SPRR4: variants seen among roughly 807,000 people sequenced by gnomAD.
The protein encoded by SPRR4 is small proline-rich protein 4.
For missense variants in SPRR4, 106 were observed against 91.6 expected (o/e 1.16, Z -0.64); for synonymous variants, 30 against 34.3 (o/e 0.87, Z 0.44).
chr1:152,969,431 G>A (rs979122520), upstream of SPRR4, among the ~76,000 whole-genome samples: 1 of 152,180 alleles, frequency 6.6e-6, no homozygotes, highest in African/African-American at 2.4e-5. Context: ...AGTACATTAA[G>A]GTATTCCTAT....
chr1:152,971,743 T>C, intron 1 of SPRR4, 128 bp from the exon 2 acceptor site: 1 of 1,251,612 alleles, frequency 8.0e-7, no homozygotes, highest in Non-Finnish European at 1.1e-6. Context: ...TCCAGATCTG[T>C]CAGCTAAGAT....
rs547430930 is a variant in SPRR4, at chr1:152,971,815, T to C, written c.-20-56T>C. ...TTTAACCATCTTTTTAAAAAGGGTGTTAAAAGGCTACTTTTTAACACCCTT... is the reference window on the plus strand; with the variant it reads ...TTTAACCATCTTTTTAAAAAGGGTGCTAAAAGGCTACTTTTTAACACCCTT... On this transcript the variant is annotated intron_variant, in intron 1 of 1. Coordinates refer to ENST00000328051, the MANE Select transcript of SPRR4 (RefSeq NM_173080.3). The C allele has an allele frequency of 1.9e-6, 3 of 1,577,400 alleles. No homozygotes were observed. In the Admixed American group the frequency reaches 5.6e-5, roughly 29 times the overall value.
chr1:152,972,082 G>A lies in SPRR4; in HGVS notation c.192G>A (p.Gln64=), dbSNP rs765440727. The A allele has an allele frequency of 6.2e-7, 1 of 1,613,986 alleles. No individual in the cohort carries two copies. Among genetic ancestry groups the A allele is most frequent in the South Asian group, 1.1e-5 (1 of 91,038 alleles). Residue 64 remains glutamine (Q), a synonymous_variant, in exon 2 of 2, where the codon CAG becomes CAA. Transcript: ENST00000328051. ...CGAAAGGCACCATCATTCCAGCCCA[G>A]CAGAAGTGTCCCTCAGCCCAGCAAG... ...CPPKGTIIPA[Q]QKCPSAQQAS...
rs767948564 is a variant in SPRR4, at chr1:152,971,978, C to T, written c.88C>T (p.Pro30Ser). The T allele has an allele frequency of 5.6e-6, 9 of 1,613,950 alleles. No homozygotes were observed. The highest frequency in any genetic ancestry group is 4.4e-5 in the South Asian group (4 of 91,074). ...QQQVKQPCQP[P>S]PVKCQETCAP... ...GCAAGTGAAGCAGCCTTGTCAGCCA[C>T]CCCCTGTTAAATGTCAAGAGACATG... Residue 30 changes from proline to serine, a missense_variant, in exon 2 of 2, where the codon CCC becomes TCC. Coordinates refer to ENST00000328051, the MANE Select transcript of SPRR4 (RefSeq NM_173080.3).
chr1:152,971,565 C>G lies in SPRR4; in HGVS notation c.-20-306C>G, dbSNP rs116433030. Among the ~76,000 whole-genome samples, 1,204 of 142,726 alleles carry G rather than the reference C, an allele frequency of 8.4e-3. 8 individuals are homozygous for G. Among genetic ancestry groups the G allele is most frequent in the African/African-American group, 0.03 (1,151 of 37,780 alleles). 93.6% of individuals were successfully genotyped at this position (142,726 alleles called of 152,430 possible). A position where few individuals can be genotyped will look rare whatever the true frequency, so the allele number is the denominator to read the frequency against. ...CTCTGCATTCTTATACACCCCTTCT[C>G]CAGCCCGATCTCTCACACACACACA... On this transcript the variant is annotated intron_variant, in intron 1 of 1. Coordinates refer to ENST00000328051, the MANE Select transcript of SPRR4 (RefSeq NM_173080.3).
At chr1:152,971,064 T>G (rs1264996101) in intron 1 of SPRR4, among the ~76,000 whole-genome samples, 2 of 152,204 alleles carry the variant, frequency 1.3e-5, no homozygotes, top group Non-Finnish European at 2.9e-5. Context: ...TTCTTCCAGG[T>G]GTATGCAAAC....
In SPRR4 at chr1:152,972,068, A is replaced by G; in HGVS notation, c.178A>G (p.Ile60Val). ...GAAGCAATGCCCACCGAAAGGCACC[A>G]TCATTCCAGCCCAGCAGAAGTGTCC... ...VKKQCPPKGTIIPAQQKCPSA... is the reference protein window; with the variant it reads ...VKKQCPPKGTVIPAQQKCPSA... Residue 60 changes from isoleucine to valine, a missense_variant, in exon 2 of 2, where the codon ATC (isoleucine) becomes GTC (valine). Coordinates refer to ENST00000328051, the MANE Select transcript of SPRR4 (RefSeq NM_173080.3). The G allele has an allele frequency of 6.2e-7, 1 of 1,614,100 alleles. No individual in the cohort carries two copies. Among genetic ancestry groups the G allele is most frequent in the South Asian group, 1.1e-5 (1 of 91,048 alleles).
Position 152,971,984 on chromosome 1 carries a change from G to T in SPRR4, c.94G>T (p.Val32Phe). 1.2e-6 allele frequency: 2 copies of T among 1,614,020 alleles called. No individual in the cohort carries two copies. Among genetic ancestry groups the T allele is most frequent in the East Asian group, 4.5e-5 (2 of 44,848 alleles). Reference sequence around the variant, plus strand: ...GAAGCAGCCTTGTCAGCCACCCCCTGTTAAATGTCAAGAGACATGTGCACC... The same window carrying T: ...GAAGCAGCCTTGTCAGCCACCCCCTTTTAAATGTCAAGAGACATGTGCACC... ...QVKQPCQPPP[V>F]KCQETCAPKT... Residue 32 changes from valine to phenylalanine, a missense_variant, in exon 2 of 2, where the codon GTT (valine) becomes TTT (phenylalanine). Coordinates refer to ENST00000328051, the MANE Select transcript of SPRR4 (RefSeq NM_173080.3).
chr1:152,971,578 T>A (rs76419079), intron 1 of SPRR4, among the ~76,000 whole-genome samples: 4,013 of 144,186 alleles, frequency 0.028, 134 homozygotes, highest in African/African-American at 0.091. Flanking sequence ...GCCCGATCTC[T>A]CACACACACA....
Position 152,971,970 on chromosome 1 carries a change from G to C in SPRR4, c.80G>C (p.Cys27Ser), listed in dbSNP as rs773866948. 90 of 1,613,896 alleles carry C rather than the reference G, an allele frequency of 5.6e-5. No individual in the cohort carries two copies. Among genetic ancestry groups the C allele is most frequent in the Non-Finnish European group, 7.1e-5 (84 of 1,180,014 alleles). Residue 27 changes from cysteine (C) to serine (S), a missense_variant, in exon 2 of 2, where the codon TGT (cysteine) becomes TCT (serine). Coordinates refer to ENST00000328051, the MANE Select transcript of SPRR4 (RefSeq NM_173080.3). Reference protein sequence around the residue: ...RAQQQQVKQPCQPPPVKCQET... With the variant: ...RAQQQQVKQPSQPPPVKCQET... Reference sequence around the variant, plus strand: ...CAGCAGCAGCAAGTGAAGCAGCCTTGTCAGCCACCCCCTGTTAAATGTCAA... The same window carrying C: ...CAGCAGCAGCAAGTGAAGCAGCCTTCTCAGCCACCCCCTGTTAAATGTCAA...
chr1:152,971,389 C>T (rs1651839119), intron 1 of SPRR4, among the ~76,000 whole-genome samples: 1 of 152,138 alleles, frequency 6.6e-6, no homozygotes, highest in Non-Finnish European at 1.5e-5. Flanking sequence ...GAACATCCTC[C>T]TGTCATCCTT....
intron 1 of SPRR4, 100 bp from the exon 2 acceptor site, chr1:152,971,771 T>C: frequency 6.8e-7 from 1 of 1,470,500 alleles, no homozygotes; most frequent in Non-Finnish European, 9.2e-7. Context: ...TTTGACCTTG[T>C]AAAATGTCTG....
In SPRR4 at chr1:152,972,283, C is replaced by A; in HGVS notation, c.*153C>A. On this transcript the variant is annotated 3_prime_UTR_variant, in exon 2 of 2. Transcript: ENST00000328051. ...AGGAAGCATTGTAAGGATTTCTTCC[C>A]ATCGTACCCTTCCCCACACATACCA... is the stretch of plus-strand genomic sequence containing the variant. 1 of 1,272,884 alleles carries A rather than the reference C, an allele frequency of 7.9e-7. No individual in the cohort carries two copies. Among genetic ancestry groups the A allele is most frequent in the Non-Finnish European group, 1.1e-6 (1 of 926,016 alleles). The allele number at this position is 1,272,884 out of a possible 1,614,324, so 78.8% of individuals were successfully genotyped here.
Position 152,972,500 on chromosome 1 carries a change from A to C in SPRR4, c.*370A>C. ...GAGGCTGGTGCACAGTTTCTGCCTC[A>C]TTCCTCTCCATGATGCCCCCTGCTC... On this transcript the variant is annotated 3_prime_UTR_variant, in exon 2 of 2. Coordinates refer to ENST00000328051, the MANE Select transcript of SPRR4 (RefSeq NM_173080.3). The C allele has an allele frequency of 3.8e-6, 1 of 263,038 alleles. No homozygotes were observed. Among genetic ancestry groups the C allele is most frequent in the South Asian group, 6.5e-5 (1 of 15,314 alleles). The allele number at this position is 263,038 out of a possible 1,614,324, so 16.3% of individuals were successfully genotyped here. A position where few individuals can be genotyped will look rare whatever the true frequency, so the allele number is the denominator to read the frequency against.
rs767948564 is a variant in SPRR4, at chr1:152,971,978, C to A, written c.88C>A (p.Pro30Thr). The part of the protein sequence containing the change: ...QQQVKQPCQP[P>T]PVKCQETCAP... ...GCAAGTGAAGCAGCCTTGTCAGCCACCCCCTGTTAAATGTCAAGAGACATG... is the reference window on the plus strand; with the variant it reads ...GCAAGTGAAGCAGCCTTGTCAGCCAACCCCTGTTAAATGTCAAGAGACATG... Residue 30 changes from proline to threonine, a missense_variant, in exon 2 of 2, where the codon CCC becomes ACC. Transcript: ENST00000328051. 6.2e-7 allele frequency: 1 copy of A among 1,614,068 alleles called. No individual in the cohort carries two copies. Among genetic ancestry groups the A allele is most frequent in the Non-Finnish European group, 8.5e-7 (1 of 1,180,014 alleles).
At position 152,972,029 on chromosome 1, in the gene SPRR4, G is replaced by T; in HGVS notation, c.139G>T (p.Ala47Ser). The T allele has an allele frequency of 6.2e-7, 1 of 1,614,044 alleles. No homozygotes were observed. Among genetic ancestry groups the T allele is most frequent in the Non-Finnish European group, 8.5e-7 (1 of 1,179,998 alleles). ...TCAPKTKDPCAPQVKKQCPPK... is the reference protein window; with the variant it reads ...TCAPKTKDPCSPQVKKQCPPK... ...TGCACCCAAAACCAAGGATCCATGT[G>T]CTCCCCAGGTCAAGAAGCAATGCCC... The change falls in exon 2 of 2, where the codon GCT becomes TCT. Residue 47 changes from alanine (A) to serine (S), a missense_variant. By Grantham distance (99) the Ala-to-Ser change is moderately conservative. Transcript: ENST00000328051.
At chr1:152,969,086 G>A (rs1322618381), upstream of SPRR4, among the ~76,000 whole-genome samples, 1 of 152,182 alleles carries the variant, frequency 6.6e-6, no homozygotes, top group African/African-American at 2.4e-5. Context: ...AGAGGAAGTG[G>A]GGGAGGTCTG....
intron 1 of SPRR4, 143 bp from the exon 2 acceptor site, chr1:152,971,728 C>T: frequency 8.8e-7 from 1 of 1,135,520 alleles, no homozygotes; most frequent in East Asian, 2.4e-5. Flanking sequence ...AGCCAGTTGA[C>T]ATTGTCCAGA....
Position 152,970,703 on chromosome 1 carries a change from G to A in SPRR4, c.-21+9G>A, listed in dbSNP as rs1651818898. 6.6e-6 allele frequency: 1 copy of A among 152,284 alleles called. No homozygotes were observed. The allele number at this position is 152,284 out of a possible 1,614,324, so 9.4% of individuals were successfully genotyped here. On this transcript the variant is annotated intron_variant, in intron 1 of 1. Coordinates refer to ENST00000328051, the MANE Select transcript of SPRR4 (RefSeq NM_173080.3). ...CCAGCTTGTCGCCTCTGGTAAGTGAGAACTCATCTGTTCTCCTGGGATTTG... is the reference window on the plus strand; with the variant it reads ...CCAGCTTGTCGCCTCTGGTAAGTGAAAACTCATCTGTTCTCCTGGGATTTG...
Sources: gnomAD v4.1 joint callset for allele counts (sites outside exome capture counted in the v4.1 genomes callset) on GRCh38, gnomAD v4.1.1 for gene constraint, MANE v1.5 for transcripts, NCBI Gene and HGNC (gene_info 2026-07-23, HGNC 2026-07-21) for gene names.